The following SLMAP variants were observed in gnomAD, a reference collection of about 807,000 sequenced individuals.
The protein encoded by SLMAP is sarcolemma associated protein.
SLMAP carries 44 observed loss-of-function variants against 128.8 expected under a neutral mutation model. The observed-to-expected ratio is 0.34, with a 90% CI of 0.27 to 0.44. The LOEUF (loss-of-function observed/expected upper bound fraction) is 0.44, where lower values mean the gene tolerates loss of function less well. Among genes scored for constraint, SLMAP ranks in the 20% least tolerant of loss-of-function variants. The pLI is 1.00. For missense variants in SLMAP, 787 were observed against 985.3 expected (o/e 0.80, Z 2.69); for synonymous variants, 327 against 348.8 (o/e 0.94, Z 0.70).
chr3:57,772,430 C>T (rs959430934), intron 2 of SLMAP, among the ~76,000 whole-genome samples: 35 of 152,306 alleles, frequency 2.3e-4, no homozygotes, highest in African/African-American at 8.4e-4. Context: ...AGTTTGGAAA[C>T]CGATGCTGGA....
chr3:57,923,426 T>C (rs1022254026), intron 23 of SLMAP, among the ~76,000 whole-genome samples: 9 of 152,232 alleles, frequency 5.9e-5, no homozygotes, highest in African/African-American at 2.2e-4. Context: ...ATACCAATAA[T>C]GTTCTCACTG....
intron 6 of SLMAP, among the ~76,000 whole-genome samples, chr3:57,852,772 C>T (rs761251174): frequency 5.9e-5 from 9 of 152,142 alleles, no homozygotes; most frequent in African/African-American, 1.9e-4. Flanking sequence ...TACTAGTCAT[C>T]GTGGATAGCA....
rs869169620 is a variant in SLMAP at position 57,766,165 on chromosome 3, A to ATTTTTTTTTTTTTT, written c.198+8327_198+8340dup. Among the ~76,000 whole-genome samples, 629 of 85,680 alleles carry ATTTTTTTTTTTTTT rather than the reference A, an allele frequency of 7.3e-3. 1 individual carries two copies. Among genetic ancestry groups the ATTTTTTTTTTTTTT allele is most frequent in the East Asian group, 0.014 (36 of 2,580 alleles). 56.2% of individuals were successfully genotyped at this position (85,680 alleles called of 152,430 possible). A position where few individuals can be genotyped will look rare whatever the true frequency, so the allele number is the denominator to read the frequency against. ...AGGCGCCTACCACCACACCCGGCTA[A>ATTTTTTTTTTTTTT]TTTTTTTTTTTTTTTTTTTTTTTTG... On this transcript the variant is annotated intron_variant, in intron 2 of 24. Coordinates refer to ENST00000671191, the MANE Select transcript of SLMAP (RefSeq NM_001377540.1).
At chr3:57,795,356 C>G (rs918068844) in intron 2 of SLMAP, among the ~76,000 whole-genome samples, 3 of 151,932 alleles carry the variant, frequency 2.0e-5, no homozygotes, top group Non-Finnish European at 4.4e-5. Flanking sequence ...TGGCCAGCGT[C>G]GTGAAACCCC....
chr3:57,811,364 CT>C (rs1240202809), intron 2 of SLMAP, among the ~76,000 whole-genome samples: 1 of 152,156 alleles, frequency 6.6e-6, no homozygotes, highest in African/African-American at 2.4e-5. Context: ...GACTGGCTTA[CT>C]TGATTCAGTA....
Position 57,780,979 on chromosome 3 carries a change from C to CAT in SLMAP, c.198+23140_198+23141dup, listed in dbSNP as rs200316061. The stretch of plus-strand genomic sequence containing the variant: ...AGATAGAATAAGATATATACATACA[C>CAT]ATATATATATACCTATGTATGCACA... On this transcript the variant is annotated intron_variant, in intron 2 of 24. Transcript: ENST00000671191. Among the ~76,000 whole-genome samples the CAT allele has an allele frequency of 1.7e-3, 258 of 150,822 alleles. 3 individuals carry two copies. In the East Asian group the frequency reaches 0.036, roughly 21 times the overall value.
chr3:57,860,601 A>G, intron 8 of SLMAP, 98 bp from the exon 9 acceptor site: 1 of 880,826 alleles, frequency 1.1e-6, no homozygotes, highest in Middle Eastern at 3.6e-4. Context: ...GTACCTTAAT[A>G]TATAATTTAA....
At chr3:57,926,504 C>T (rs1240979180) in intron 24 of SLMAP, among the ~76,000 whole-genome samples, 4 of 152,166 alleles carry the variant, frequency 2.6e-5, no homozygotes, top group African/African-American at 9.7e-5. Context: ...TATCCCATTT[C>T]TTTCTGAGCC....
chr3:57,763,359 C>G (rs2153431922), intron 2 of SLMAP, among the ~76,000 whole-genome samples: 1 of 151,290 alleles, frequency 6.6e-6, no homozygotes, highest in Middle Eastern at 3.4e-3. Context: ...ACTGCAACCT[C>G]TGCCTCCTGG....
At chr3:57,800,128 G>A (rs2153490424) in intron 2 of SLMAP, 1 of 152,298 alleles carries the variant, frequency 6.6e-6, no homozygotes, top group South Asian at 2.1e-4. Flanking sequence ...TCTTCCAAAG[G>A]TAGTTTGGGA....
rs1263496617 is a variant in SLMAP, at chr3:57,929,210, C to G, written c.*1921C>G. ...ATATCATTGAAGTTCTTAATGCTGA[C>G]TCTACTATTGGGTTGTTAATAGTCT... On this transcript the variant is annotated 3_prime_UTR_variant, in exon 25 of 25. Transcript: ENST00000671191. 6.6e-6 allele frequency: 1 copy of G among 152,588 alleles called. No individual in the cohort carries two copies. Among genetic ancestry groups the G allele is most frequent in the Non-Finnish European group, 1.5e-5 (1 of 68,004 alleles). 9.5% of individuals were successfully genotyped at this position (152,588 alleles called of 1,614,324 possible). A position where few individuals can be genotyped will look rare whatever the true frequency, so the allele number is the denominator to read the frequency against.
chr3:57,860,855 A>G lies in SLMAP; in HGVS notation c.828+16A>G, dbSNP rs1430605615. The stretch of plus-strand genomic sequence containing the variant: ...AGAAGTTGAGGTATTTCAATCAAAA[A>G]AAAAATACTAAATAGTATTATGAGT... On this transcript the variant is annotated intron_variant, in intron 9 of 24. Transcript: ENST00000671191. 3 of 1,565,844 alleles carry G rather than the reference A, an allele frequency of 1.9e-6. No individual in the cohort carries two copies. The African/African-American group carries it at 4.2e-5, about 22-fold the overall frequency.
At chr3:57,909,249 T>C (rs1217030032) in intron 19 of SLMAP, 99 bp downstream of exon 19, 1 of 824,842 alleles carries the variant, frequency 1.2e-6, no homozygotes, top group Non-Finnish European at 2.0e-6. Context: ...ATGCCTGCAA[T>C]CCCAGCATTT....
intron 2 of SLMAP, among the ~76,000 whole-genome samples, chr3:57,795,268 G>C (rs1269717716): frequency 6.6e-6 from 1 of 152,198 alleles, no homozygotes; most frequent in African/African-American, 2.4e-5. Flanking sequence ...GGCCGTGCAT[G>C]GTGGCTCACG....
At chr3:57,891,783 A>G (rs1314360574) in intron 15 of SLMAP, among the ~76,000 whole-genome samples, 2 of 151,946 alleles carry the variant, frequency 1.3e-5, no homozygotes, top group Non-Finnish European at 2.9e-5. Flanking sequence ...CACCATGTTG[A>G]CCAGGCTGGT....
intron 2 of SLMAP, among the ~76,000 whole-genome samples, chr3:57,789,236 A>T (rs1419460728): frequency 6.6e-6 from 1 of 152,188 alleles, no homozygotes; most frequent in East Asian, 1.9e-4. Context: ...AGGACCATTG[A>T]GATAGGTATA....
chr3:57,847,175 A>G, intron 4 of SLMAP, 22 bp from the exon 5 acceptor site: 1 of 1,558,102 alleles, frequency 6.4e-7, no homozygotes, highest in South Asian at 1.2e-5. Flanking sequence ...ATTAGATAAA[A>G]CTTCTAAATT....
At chr3:57,774,496 G>T (rs1475699631) in intron 2 of SLMAP, among the ~76,000 whole-genome samples, 2 of 139,828 alleles carry the variant, frequency 1.4e-5, no homozygotes, top group Admixed American at 7.8e-5. Context: ...AGAGAAATTA[G>T]ACTTTAATAG....
intron 4 of SLMAP, among the ~76,000 whole-genome samples, chr3:57,845,666 A>G (rs1414582598): frequency 2.6e-5 from 4 of 152,168 alleles, no homozygotes; most frequent in Non-Finnish European, 5.9e-5. Context: ...CAACATAAAC[A>G]GTATCTTACA....
Sources: gnomAD v4.1 joint callset for allele counts (sites outside exome capture counted in the v4.1 genomes callset) on GRCh38, gnomAD v4.1.1 for gene constraint, MANE v1.5 for transcripts, NCBI Gene and HGNC (gene_info 2026-07-23, HGNC 2026-07-21) for gene names.